The following FRMD4A variants were observed in gnomAD, a reference collection of about 807,000 sequenced individuals.
FRMD4A encodes the protein FERM domain containing 4A.
Under a neutral mutation model 129.1 loss-of-function variants are expected in FRMD4A, and 29 were observed. That is an observed-to-expected ratio of 0.22 (90% CI 0.17 to 0.31). FRMD4A has a LOEUF of 0.31. Ranked by LOEUF, FRMD4A falls within the 10% of genes least tolerant of loss-of-function variation. The probability of loss-of-function intolerance (pLI) is 1.00; values close to 1 mark genes in which losing one functional copy is unlikely to be tolerated. For synonymous variants in FRMD4A, 634 were observed against 571.6 expected, an observed-to-expected ratio of 1.11 and a Z score of -1.56; for missense variants, 1,272 against 1,375.8, an observed-to-expected ratio of 0.92 and a Z score of 1.19.
rs529573700 is a variant in FRMD4A, at chr10:14,092,219, C to T, written c.46-233307G>A. On this transcript the variant is annotated intron_variant, in intron 2 of 24. Coordinates refer to ENST00000357447, the MANE Select transcript of FRMD4A (RefSeq NM_018027.5). ...ACCGGCTACTAGGGGCACCTGACCA[C>T]GTAGAACCCAACAGACAGTGACCGG... Among the ~76,000 whole-genome samples the T allele has an allele frequency of 4.6e-5, 7 of 152,264 alleles. 1 individual carries two copies. The South Asian group carries it at 1.2e-3, about 27-fold the overall frequency.
At chr10:14,171,360 A>G (rs939429757) in intron 2 of FRMD4A, among the ~76,000 whole-genome samples, 1 of 152,220 alleles carries the variant, frequency 6.6e-6, no homozygotes, top group African/African-American at 2.4e-5. Context: ...TGCATTATAT[A>G]TAAAAGGAAG....
At chr10:14,005,522 C>T (rs906745909) in intron 2 of FRMD4A, among the ~76,000 whole-genome samples, 3 of 152,166 alleles carry the variant, frequency 2.0e-5, no homozygotes, top group Non-Finnish European at 4.4e-5. Context: ...AACCTGGGCA[C>T]CTAAGGGGAC....
At chr10:13,763,758 CAG>C (rs1256641794) in intron 6 of FRMD4A, among the ~76,000 whole-genome samples, 3 of 152,004 alleles carry the variant, frequency 2.0e-5, no homozygotes, top group African/African-American at 7.3e-5. Flanking sequence ...TTCTCTGAGA[CAG>C]AGTCTTGCTG....
At chr10:13,842,979 C>A (rs1428165271) in intron 3 of FRMD4A, among the ~76,000 whole-genome samples, 1 of 152,130 alleles carries the variant, frequency 6.6e-6, no homozygotes, top group African/African-American at 2.4e-5. Context: ...ATGACTGCAG[C>A]CCCACCTGCC....
chr10:14,223,671 G>A (rs1301766848), intron 2 of FRMD4A, among the ~76,000 whole-genome samples: 1 of 150,134 alleles, frequency 6.7e-6, no homozygotes, highest in Non-Finnish European at 1.5e-5. Context: ...TGGCTGGGAG[G>A]TTGAGGCTGC....
At chr10:14,223,730 G>C (rs1843338135) in intron 2 of FRMD4A, among the ~76,000 whole-genome samples, 1 of 116,370 alleles carries the variant, frequency 8.6e-6, no homozygotes, top group Non-Finnish European at 1.6e-5. Flanking sequence ...GACAGAGCAA[G>C]ACCATGTCTC....
chr10:14,112,801 C>G (rs989796564), intron 2 of FRMD4A, among the ~76,000 whole-genome samples: 2 of 152,244 alleles, frequency 1.3e-5, no homozygotes, highest in Non-Finnish European at 2.9e-5. Flanking sequence ...GCTGGGATTA[C>G]AGGCATGAGC....
At chr10:14,038,524 A>T (rs565320876) in intron 2 of FRMD4A, among the ~76,000 whole-genome samples, 17 of 152,304 alleles carry the variant, frequency 1.1e-4, no homozygotes, top group African/African-American at 4.1e-4. Context: ...CCTTGAAAAG[A>T]GATAGGCAAG....
At chr10:13,719,111 C>T (rs1267015076) in intron 12 of FRMD4A, among the ~76,000 whole-genome samples, 5 of 152,146 alleles carry the variant, frequency 3.3e-5, no homozygotes, top group Admixed American at 6.5e-5. Context: ...TCTGTCTGCT[C>T]GACTCCATGC....
intron 2 of FRMD4A, among the ~76,000 whole-genome samples, chr10:14,138,246 C>A (rs1471237134): frequency 6.6e-6 from 1 of 152,186 alleles, no homozygotes; most frequent in South Asian, 2.1e-4. Flanking sequence ...TGACCAAGAC[C>A]TGCCTTTGCT....
intron 2 of FRMD4A, among the ~76,000 whole-genome samples, chr10:14,101,173 T>C (rs143291087): frequency 6.6e-6 from 1 of 152,230 alleles, no homozygotes; most frequent in Non-Finnish European, 1.5e-5. Flanking sequence ...ACAAAAAAGT[T>C]TGAAAATTTC....
intron 2 of FRMD4A, among the ~76,000 whole-genome samples, chr10:13,964,132 G>GAA (rs57593743): frequency 4.0e-5 from 5 of 124,378 alleles, no homozygotes; most frequent in Admixed American, 1.7e-4. Flanking sequence ...ACAGGCATTA[G>GAA]AAAAAAAAAA....
chr10:13,650,659 A>C (rs2081499781), intron 24 of FRMD4A, among the ~76,000 whole-genome samples: 1 of 152,160 alleles, frequency 6.6e-6, no homozygotes, highest in Non-Finnish European at 1.5e-5. Context: ...TTCCTTCCAA[A>C]GCCTAAGTCC....
Position 13,645,895 on chromosome 10 carries a change from A to G in FRMD4A, c.*1143T>C, listed in dbSNP as rs2081088889. 1 of 152,806 alleles carries G rather than the reference A, an allele frequency of 6.5e-6. No homozygotes were observed. The highest frequency in any genetic ancestry group is 3.4e-3 in the Middle Eastern group (1 of 296). The allele number at this position is 152,806 out of a possible 1,614,324, so 9.5% of individuals were successfully genotyped here. On this transcript the variant is annotated 3_prime_UTR_variant, in exon 25 of 25. Transcript: ENST00000357447. ...AAACGAAAATGAAACACCTTGTGCAAAAAAATAGGATACGCTTTTACTGGT... is the reference window on the plus strand; with the variant it reads ...AAACGAAAATGAAACACCTTGTGCAGAAAAATAGGATACGCTTTTACTGGT...
intron 2 of FRMD4A, among the ~76,000 whole-genome samples, chr10:13,973,411 C>G (rs961595415): frequency 6.6e-6 from 1 of 152,120 alleles, no homozygotes; most frequent in Non-Finnish European, 1.5e-5. Context: ...ATCTCAAGCT[C>G]CTGGCCTCCT....
At chr10:14,133,514 T>C (rs1307118079) in intron 2 of FRMD4A, among the ~76,000 whole-genome samples, 3 of 152,142 alleles carry the variant, frequency 2.0e-5, no homozygotes, top group Admixed American at 6.5e-5. Flanking sequence ...TTGGCCACCA[T>C]GGGGAGGGCT....
chr10:14,175,796 A>T (rs1170137916), intron 2 of FRMD4A, among the ~76,000 whole-genome samples: 1 of 152,114 alleles, frequency 6.6e-6, no homozygotes, highest in Non-Finnish European at 1.5e-5. Flanking sequence ...AAGTGTTGGG[A>T]TTACAGATGT....
chr10:13,733,826 C>G (rs1211620050), intron 12 of FRMD4A, among the ~76,000 whole-genome samples: 1 of 152,254 alleles, frequency 6.6e-6, no homozygotes, highest in African/African-American at 2.4e-5. Context: ...GAAGCTGCCT[C>G]TGCATCTCAC....
At chr10:14,014,300 C>G (rs73589194) in intron 2 of FRMD4A, among the ~76,000 whole-genome samples, 5 of 152,144 alleles carry the variant, frequency 3.3e-5, no homozygotes, top group African/African-American at 1.2e-4. Context: ...TACCCTGACT[C>G]GATTATTACA....
Sources: gnomAD v4.1 joint callset for allele counts (sites outside exome capture counted in the v4.1 genomes callset) on GRCh38, gnomAD v4.1.1 for gene constraint, MANE v1.5 for transcripts, NCBI Gene and HGNC (gene_info 2026-07-23, HGNC 2026-07-21) for gene names.